The following KDM2A variants were observed in gnomAD, a reference collection of about 807,000 sequenced individuals.
KDM2A encodes lysine demethylase 2A, also known as lysine-specific demethylase 2A.
Under a neutral mutation model 137.3 loss-of-function variants are expected in KDM2A, and 3 were observed. That is an observed-to-expected ratio of 0.02 (90% confidence interval 0.01 to 0.06). The LOEUF is 0.06. KDM2A is among the 10% of genes least tolerant of loss of function. The pLI is 1.00. For missense variants in KDM2A, 738 were observed against 1,510.6 expected (o/e 0.49, Z 8.48); for synonymous variants, 512 against 541.5 (o/e 0.95, Z 0.76).
chr11:67,124,434 C>T (rs1855669978), intron 2 of KDM2A, among the ~76,000 whole-genome samples: 1 of 152,228 alleles, frequency 6.6e-6, no homozygotes, highest in East Asian at 1.9e-4. Flanking sequence ...GCCTCAGCCT[C>T]CCAAGTAGCT....
chr11:67,231,568 T>A lies in KDM2A; in HGVS notation c.1087T>A (p.Leu363Met), dbSNP rs1343298364. 1 of 1,591,370 alleles carries A rather than the reference T, an allele frequency of 6.3e-7. No homozygotes were observed. The highest frequency in any genetic ancestry group is 1.8e-5 in the Admixed American group (1 of 55,440). ...EFQKESLSMD[L>M]ELNGLESGNG... ...GCATTTTTTCTTCATATTGGTAGAT[T>A]TGGAGTTAAATGGGTTGGAGTCTGG... The change falls in exon 12 of 21, where the codon TTG becomes ATG. Residue 363 changes from leucine (L) to methionine (M), a missense_variant and splice_region_variant. By Grantham distance (15) the Leu-to-Met change is conservative. Coordinates refer to ENST00000529006, the MANE Select transcript of KDM2A (RefSeq NM_012308.3).
At chr11:67,145,314 G>T (rs117930887) in intron 2 of KDM2A, among the ~76,000 whole-genome samples, 1 of 151,502 alleles carries the variant, frequency 6.6e-6, no homozygotes, top group African/African-American at 2.4e-5. Context: ...GTGAAACCCC[G>T]TCTACAAAAA....
At chr11:67,142,563 TG>T (rs1856133103) in intron 2 of KDM2A, among the ~76,000 whole-genome samples, 1 of 9,206 alleles carries the variant, frequency 1.1e-4, no homozygotes, top group Non-Finnish European at 2.4e-4. Context: ...GCCGGGGGGT[TG>T]GGGTTGGGGT....
intron 2 of KDM2A, among the ~76,000 whole-genome samples, chr11:67,165,540 C>A (rs376582766): frequency 2.1e-4 from 32 of 152,310 alleles, no homozygotes; most frequent in African/African-American, 7.0e-4. Flanking sequence ...GATTAAGAGA[C>A]TGACCTTTGT....
chr11:67,125,942 CAA>C (rs59801773), intron 2 of KDM2A, among the ~76,000 whole-genome samples: 3,540 of 50,416 alleles, frequency 0.07, 102 homozygotes, highest in African/African-American at 0.14. Flanking sequence ...GGCTTCACCT[CAA>C]AAAAAAAAAA....
intron 6 of KDM2A, among the ~76,000 whole-genome samples, chr11:67,208,164 T>G (rs375052017): frequency 6.6e-6 from 1 of 152,050 alleles, no homozygotes; most frequent in South Asian, 2.1e-4. Context: ...TATATTGATA[T>G]TGTATTTTGA....
chr11:67,133,135 T>C (rs1590708260), intron 2 of KDM2A, among the ~76,000 whole-genome samples: 1 of 152,340 alleles, frequency 6.6e-6, no homozygotes, highest in East Asian at 1.9e-4. Context: ...GTTTCACTCT[T>C]GTTGGCCAGG....
intron 5 of KDM2A, among the ~76,000 whole-genome samples, chr11:67,191,036 G>A (rs1365247497): frequency 6.6e-6 from 1 of 152,070 alleles, no homozygotes; most frequent in Non-Finnish European, 1.5e-5. Flanking sequence ...GAATTTAAGA[G>A]GGAACACTTC....
chr11:67,233,946 C>G (rs1190159721), intron 12 of KDM2A, among the ~76,000 whole-genome samples: 3 of 152,090 alleles, frequency 2.0e-5, no homozygotes, highest in Admixed American at 6.6e-5. Context: ...GCATGAGGAA[C>G]AAGTAGCCAG....
At chr11:67,189,065 A>G (rs952500136) in intron 5 of KDM2A, among the ~76,000 whole-genome samples, 2 of 152,134 alleles carry the variant, frequency 1.3e-5, no homozygotes, top group African/African-American at 4.8e-5. Context: ...AACCAACTAG[A>G]TCTCACAGAC....
At chr11:67,159,020 T>C (rs1319434521) in intron 2 of KDM2A, among the ~76,000 whole-genome samples, 1 of 152,200 alleles carries the variant, frequency 6.6e-6, no homozygotes, top group African/African-American at 2.4e-5. Context: ...TTCAGTTTCA[T>C]TGAAATCCAG....
At chr11:67,233,196 T>C (rs1858768188) in intron 12 of KDM2A, among the ~76,000 whole-genome samples, 1 of 151,980 alleles carries the variant, frequency 6.6e-6, no homozygotes. Flanking sequence ...CTCACATAGA[T>C]TATTTTAAGC....
chr11:67,181,789 C>G, intron 4 of KDM2A, 57 bp from the exon 5 acceptor site: 1 of 1,503,970 alleles, frequency 6.6e-7, no homozygotes. Context: ...AAAAAAAACT[C>G]ACATTTACTA....
chr11:67,157,038 G>A (rs994562727), intron 2 of KDM2A, among the ~76,000 whole-genome samples: 2 of 152,128 alleles, frequency 1.3e-5, no homozygotes, highest in Non-Finnish European at 2.9e-5. Flanking sequence ...AATTGGCTGG[G>A]CACGGTGGCT....
At chr11:67,126,318 T>C (rs1437148863) in intron 2 of KDM2A, among the ~76,000 whole-genome samples, 1 of 151,730 alleles carries the variant, frequency 6.6e-6, no homozygotes, top group Non-Finnish European at 1.5e-5. Context: ...CTCACACCTA[T>C]ATTCCCAGCA....
chr11:67,235,238 G>A (rs2136432031), intron 12 of KDM2A, among the ~76,000 whole-genome samples: 1 of 152,032 alleles, frequency 6.6e-6, no homozygotes, highest in South Asian at 2.1e-4. Flanking sequence ...GTTTGGGAGG[G>A]GTTGTGGGTA....
At chr11:67,226,799 G>A (rs1017536034) in intron 10 of KDM2A, among the ~76,000 whole-genome samples, 3 of 152,244 alleles carry the variant, frequency 2.0e-5, no homozygotes, top group Admixed American at 1.3e-4. Flanking sequence ...AGCACTGGCC[G>A]CGAGCTGCTC....
Position 67,254,915 on chromosome 11 carries a change from C to T in KDM2A, c.3349C>T (p.Arg1117Cys), listed in dbSNP as rs1184539129. The change falls in exon 21 of 21, where the codon CGC (arginine) becomes TGC (cysteine). Residue 1117 changes from arginine (R) to cysteine (C), a missense_variant. Coordinates refer to ENST00000529006, the MANE Select transcript of KDM2A (RefSeq NM_012308.3). The surrounding 1 kb of genome is among the most constrained non-coding windows in gnomAD (Gnocchi z 4.7). ...AGACCAGACCCTGATCTACCTACGG[C>T]GCATTGCCAACGTCACCTTGATCGA... ...LTDQTLIYLR[R>C]IANVTLIDLR... is the part of the protein sequence containing the mutation. The T allele has an allele frequency of 2.5e-6, 4 of 1,614,002 alleles. No individual in the cohort carries two copies. The highest frequency in any genetic ancestry group is 3.4e-6 in the Non-Finnish European group (4 of 1,179,898).
At chr11:67,122,698 C>T (rs1855626206) in intron 2 of KDM2A, among the ~76,000 whole-genome samples, 1 of 146,572 alleles carries the variant, frequency 6.8e-6, no homozygotes, top group South Asian at 2.1e-4. Flanking sequence ...TTTTTTGAGA[C>T]AGAGTCTGGC....
Sources: gnomAD v4.1 joint callset for allele counts (sites outside exome capture counted in the v4.1 genomes callset) on GRCh38, gnomAD v4.1.1 for gene constraint, Gnocchi (gnomAD v3.1) non-coding constraint, MANE v1.5 for transcripts, NCBI Gene and HGNC (gene_info 2026-07-23, HGNC 2026-07-21) for gene names.